The following PRKCB variants were observed in gnomAD, a reference collection of about 807,000 sequenced individuals.
The protein encoded by PRKCB is protein kinase C beta.
PRKCB carries 13 observed loss-of-function variants against 81.5 expected under a neutral mutation model. That is an observed-to-expected ratio of 0.16 (90% CI 0.10 to 0.25). The LOEUF is 0.25. Ranked by LOEUF, PRKCB falls within the 10% of genes least tolerant of loss-of-function variation. The pLI, the probability that PRKCB is intolerant of heterozygous loss-of-function variation, is 1.00. For missense variants in PRKCB, 509 were observed against 875.7 expected, an observed-to-expected ratio of 0.58 and a Z score of 5.29; for synonymous variants, 335 against 321.4, an observed-to-expected ratio of 1.04 and a Z score of -0.45.
intron 16 of PRKCB, among the ~76,000 whole-genome samples, chr16:24,192,904 G>A (rs1407167256): frequency 6.6e-6 from 1 of 152,108 alleles, no homozygotes; most frequent in East Asian, 1.9e-4. Context: ...GGCATTAGGA[G>A]CTCAGCCAGG....
chr16:24,215,736 C>T lies in PRKCB; in HGVS notation c.*920C>T, dbSNP rs56687328. The T allele has an allele frequency of 0.041, 40,673 of 985,676 alleles. 986 individuals are homozygous for T. Among genetic ancestry groups the T allele is most frequent in the East Asian group, 0.15 (1,290 of 8,814 alleles). The allele number at this position is 985,676 out of a possible 1,614,324, so 61.1% of individuals were successfully genotyped here. A position where few individuals can be genotyped will look rare whatever the true frequency, so the allele number is the denominator to read the frequency against. ...TGTTATTAACCACAATGACGACCTG[C>T]TTTGATTTAACCAAGAAGACGGCTG... On this transcript the variant is annotated 3_prime_UTR_variant, in exon 17 of 17. Transcript: ENST00000643927.
intron 5 of PRKCB, among the ~76,000 whole-genome samples, chr16:24,036,618 A>G (rs1330253160): frequency 6.6e-6 from 1 of 152,184 alleles, no homozygotes; most frequent in Non-Finnish European, 1.5e-5. Context: ...AAGCTGAAAA[A>G]TACTTATCCC....
intron 2 of PRKCB, among the ~76,000 whole-genome samples, chr16:23,902,519 T>A (rs1025655879): frequency 6.6e-6 from 1 of 152,102 alleles, no homozygotes; most frequent in African/African-American, 2.4e-5. Flanking sequence ...CAGCATCCTT[T>A]GAGGAATAAG....
chr16:23,995,123 G>A (rs564520177), intron 3 of PRKCB, among the ~76,000 whole-genome samples: 3 of 152,288 alleles, frequency 2.0e-5, no homozygotes, highest in South Asian at 2.1e-4. Context: ...CCCTTTTAAC[G>A]TGAAGGATAA....
chr16:24,174,356 GA>G, intron 11 of PRKCB, 161 bp from the exon 12 acceptor site: 1 of 631,414 alleles, frequency 1.6e-6, no homozygotes. Context: ...ACCACCCTTT[GA>G]ATCCATCTGT....
intron 15 of PRKCB, among the ~76,000 whole-genome samples, chr16:24,185,784 G>A (rs1336618327): frequency 2.0e-5 from 3 of 152,232 alleles, no homozygotes; most frequent in Non-Finnish European, 1.5e-5. Flanking sequence ...GCTGCCTGCA[G>A]CTGCGTCTTG....
intron 16 of PRKCB, among the ~76,000 whole-genome samples, chr16:24,206,560 G>T (rs774064777): frequency 8.5e-5 from 13 of 152,130 alleles, no homozygotes; most frequent in Non-Finnish European, 1.5e-4. Context: ...CCTTGTCCAT[G>T]CCCTCTTTTT....
intron 3 of PRKCB, among the ~76,000 whole-genome samples, chr16:24,024,475 C>G (rs1056786737): frequency 7.2e-5 from 11 of 152,110 alleles, no homozygotes; most frequent in Non-Finnish European, 1.3e-4. Context: ...TCAAATATCT[C>G]AAGCTAAGAA....
At chr16:23,904,774 T>C (rs1266520708) in intron 2 of PRKCB, among the ~76,000 whole-genome samples, 1 of 152,144 alleles carries the variant, frequency 6.6e-6, no homozygotes, top group Non-Finnish European at 1.5e-5. Context: ...ACTCAAAATA[T>C]TTGGGATTTA....
intron 2 of PRKCB, among the ~76,000 whole-genome samples, chr16:23,874,739 C>G (rs571212576): frequency 4.6e-5 from 7 of 152,128 alleles, no homozygotes; most frequent in Non-Finnish European, 5.9e-5. Flanking sequence ...GTAGATAATG[C>G]ACTTCAATTA....
intron 7 of PRKCB, among the ~76,000 whole-genome samples, chr16:24,096,714 T>C (rs1166598430): frequency 7.3e-6 from 1 of 136,150 alleles, no homozygotes; most frequent in African/African-American, 2.7e-5. Flanking sequence ...TATCCTCCAA[T>C]GTTACCAACA....
chr16:24,216,952 C>T lies in PRKCB; in HGVS notation c.*2136C>T, dbSNP rs1968236964. ...CTCTGAGCCAGGCCCACCAACAGGC[C>T]CTTATCTGGTGGTTGGATCATGATC... On this transcript the variant is annotated 3_prime_UTR_variant, in exon 17 of 17. Transcript: ENST00000643927. 2.0e-6 allele frequency: 2 copies of T among 985,384 alleles called. No individual in the cohort carries two copies. The highest frequency in any genetic ancestry group is 2.4e-6 in the Non-Finnish European group (2 of 829,946). The allele number at this position is 985,384 out of a possible 1,614,324, so 61.0% of individuals were successfully genotyped here.
chr16:24,095,427 C>T (rs1336244329), intron 7 of PRKCB, among the ~76,000 whole-genome samples: 1 of 152,032 alleles, frequency 6.6e-6, no homozygotes, highest in Non-Finnish European at 1.5e-5. Flanking sequence ...GGTGGGGCCA[C>T]AGGACTAGTT....
intron 3 of PRKCB, among the ~76,000 whole-genome samples, chr16:23,995,182 A>G (rs1567338064): frequency 3.3e-5 from 5 of 152,172 alleles, no homozygotes; most frequent in Admixed American, 2.6e-4. Context: ...CAGATGGCCT[A>G]CTGGGCCTAC....
At chr16:24,179,129 A>G (rs915249154) in intron 12 of PRKCB, among the ~76,000 whole-genome samples, 1 of 152,218 alleles carries the variant, frequency 6.6e-6, no homozygotes, top group Non-Finnish European at 1.5e-5. Flanking sequence ...ATGCCAGCCA[A>G]AGTGCCAGCA....
At chr16:23,955,576 A>G (rs1964339157) in intron 2 of PRKCB, among the ~76,000 whole-genome samples, 1 of 152,206 alleles carries the variant, frequency 6.6e-6, no homozygotes, top group Admixed American at 6.5e-5. Context: ...GTTACTGCCC[A>G]GACAGTTAGG....
In PRKCB at chr16:24,005,009, G is replaced by A. The variant is rs567452666; in HGVS notation, c.288+16419G>A. ...ATATATTACAGTCATATGGTGGAATGCTGGCCAGTGATTCAGTGTCACAGT... is the reference window on the plus strand; with the variant it reads ...ATATATTACAGTCATATGGTGGAATACTGGCCAGTGATTCAGTGTCACAGT... On this transcript the variant is annotated intron_variant, in intron 3 of 16. Transcript: ENST00000643927. Among the ~76,000 whole-genome samples, 7 of 152,292 alleles carry A rather than the reference G, an allele frequency of 4.6e-5. 1 individual carries two copies. The South Asian group carries it at 1.5e-3, about 32-fold the overall frequency.
chr16:24,123,659 G>A (rs1966827235), intron 8 of PRKCB, among the ~76,000 whole-genome samples, 176 bp from the exon 9 acceptor site: 1 of 152,132 alleles, frequency 6.6e-6, no homozygotes, highest in Non-Finnish European at 1.5e-5. Context: ...AAGAAAGATG[G>A]AGTTGCAAAG....
rs1555491133 is a variant in PRKCB, at chr16:24,021,231, T to TTTCTTTCC, written c.289-10902_289-10901insTTTCCTTC. 3.0e-3 allele frequency among the ~76,000 whole-genome samples: 41 copies of TTTCTTTCC among 13,598 alleles called. 3 individuals carry two copies. Among genetic ancestry groups the TTTCTTTCC allele is most frequent in the African/African-American group, 9.3e-3 (36 of 3,858 alleles). 8.9% of individuals were successfully genotyped at this position (13,598 alleles called of 152,430 possible). A position where few individuals can be genotyped will look rare whatever the true frequency, so the allele number is the denominator to read the frequency against. On this transcript the variant is annotated intron_variant, in intron 3 of 16. Coordinates refer to ENST00000643927, the MANE Select transcript of PRKCB (RefSeq NM_002738.7). ...CTTTCTTTCTTTCTTTCTTTCTTTC[T>TTTCTTTCC]TTCCTTCCTTCCTTCCTTCTTCCTT...
Sources: gnomAD v4.1 joint callset for allele counts (sites outside exome capture counted in the v4.1 genomes callset) on GRCh38, gnomAD v4.1.1 for gene constraint, MANE v1.5 for transcripts, NCBI Gene and HGNC (gene_info 2026-07-23, HGNC 2026-07-21) for gene names.